MAGI2: variants seen among roughly 807,000 people sequenced by gnomAD.
MAGI2 encodes membrane-associated guanylate kinase, WW and PDZ domain-containing protein 2.
MAGI2 carries 35 observed loss-of-function variants against 133.3 expected under a neutral mutation model. That is an observed-to-expected ratio of 0.26 (90% CI 0.20 to 0.35). MAGI2 has a LOEUF of 0.35. MAGI2 is among the 10% of genes least tolerant of loss of function. MAGI2 has a pLI of 1.00. For synonymous variants in MAGI2, 729 were observed against 710.6 expected (o/e 1.03, Z -0.41); for missense variants, 1,636 against 1,863.4 (o/e 0.88, Z 2.25).
At chr7:78,315,931 C>G (rs1787369479) in intron 9 of MAGI2, among the ~76,000 whole-genome samples, 1 of 152,164 alleles carries the variant, frequency 6.6e-6, no homozygotes, top group Non-Finnish European at 1.5e-5. Flanking sequence ...CCTATACTTT[C>G]TCTGGCTTAC....
At chr7:78,328,532 C>CCCCCCCT (rs1554346587) in intron 9 of MAGI2, among the ~76,000 whole-genome samples, 1 of 133,706 alleles carries the variant, frequency 7.5e-6, no homozygotes, top group Admixed American at 7.6e-5. Flanking sequence ...CACACACACC[C>CCCCCCCT]CTCTCTCTCT....
At chr7:78,670,080 G>A (rs1369105011) in intron 2 of MAGI2, among the ~76,000 whole-genome samples, 1 of 151,492 alleles carries the variant, frequency 6.6e-6, no homozygotes, top group East Asian at 1.9e-4. Flanking sequence ...AGGGCAATTA[G>A]GCAGGAGAAG....
chr7:79,140,273 G>T (rs1821994500), intron 1 of MAGI2, among the ~76,000 whole-genome samples: 1 of 151,992 alleles, frequency 6.6e-6, no homozygotes, highest in African/African-American at 2.4e-5. Flanking sequence ...TTTATTTCTT[G>T]TTTTCTCATT....
At chr7:79,370,113 TAA>T (rs1842961943) in intron 1 of MAGI2, among the ~76,000 whole-genome samples, 2 of 152,180 alleles carry the variant, frequency 1.3e-5, no homozygotes, top group Admixed American at 6.5e-5. Flanking sequence ...CATCTAGTTC[TAA>T]GTTAGATATT....
chr7:79,067,713 C>A (rs1356523327), intron 1 of MAGI2, among the ~76,000 whole-genome samples: 1 of 152,160 alleles, frequency 6.6e-6, no homozygotes, highest in African/African-American at 2.4e-5. Flanking sequence ...CCAGCTTTTG[C>A]CCATTCAGTA....
intron 3 of MAGI2, among the ~76,000 whole-genome samples, chr7:78,600,062 GTCT>G (rs528206239): frequency 1.3e-4 from 20 of 152,006 alleles, no homozygotes; most frequent in African/African-American, 4.6e-4. Context: ...TTTGTTCTTG[GTCT>G]TTTTTTCTTA....
At chr7:79,115,402 T>G (rs1314693535) in intron 1 of MAGI2, among the ~76,000 whole-genome samples, 1 of 152,218 alleles carries the variant, frequency 6.6e-6, no homozygotes, top group East Asian at 1.9e-4. Context: ...AAATAGAAGG[T>G]GCTCTGTTCT....
intron 20 of MAGI2, among the ~76,000 whole-genome samples, chr7:78,083,414 G>C (rs1816254990): frequency 3.4e-5 from 5 of 147,706 alleles, no homozygotes; most frequent in East Asian, 2.0e-4. Flanking sequence ...GAGAGAGAGA[G>C]AGAGAGAGAG....
At chr7:79,188,884 T>C (rs1220383660) in intron 1 of MAGI2, among the ~76,000 whole-genome samples, 2 of 151,902 alleles carry the variant, frequency 1.3e-5, no homozygotes, top group African/African-American at 4.8e-5. Context: ...GCGTGTATAT[T>C]ATTTAAAACA....
chr7:79,292,739 C>T (rs928792783), intron 1 of MAGI2, among the ~76,000 whole-genome samples: 1 of 115,278 alleles, frequency 8.7e-6, no homozygotes, highest in Non-Finnish European at 1.6e-5. Flanking sequence ...TCTTTCTTCA[C>T]ATCAATTTTG....
intron 6 of MAGI2, among the ~76,000 whole-genome samples, chr7:78,440,112 A>G (rs7802125): frequency 0.9 from 136,398 of 151,952 alleles, 62,287 homozygotes; most frequent in East Asian, 0.98. Context: ...GTTACATTTA[A>G]ATGTAATGAC....
intron 1 of MAGI2, among the ~76,000 whole-genome samples, chr7:79,036,634 T>C (rs978050787): frequency 6.6e-6 from 1 of 151,148 alleles, no homozygotes; most frequent in African/African-American, 2.4e-5. Flanking sequence ...TGTGGGAGAT[T>C]TGAAACACAT....
intron 2 of MAGI2, among the ~76,000 whole-genome samples, chr7:78,967,542 TC>T (rs1168073254): frequency 6.6e-6 from 1 of 152,066 alleles, no homozygotes; most frequent in Non-Finnish European, 1.5e-5. Flanking sequence ...GAAAGTTTTT[TC>T]CTTATGTTTT....
At position 78,195,017 on chromosome 7, in the gene MAGI2, G is replaced by C; in HGVS notation, c.2126C>G (p.Ser709Cys). 1 of 1,613,402 alleles carries C rather than the reference G, an allele frequency of 6.2e-7. No homozygotes were observed. Among genetic ancestry groups the C allele is most frequent in the Non-Finnish European group, 8.5e-7 (1 of 1,179,674 alleles). The change falls in exon 12 of 22, where the codon TCT (serine) becomes TGT (cysteine). Residue 709 changes from serine (S) to cysteine (C), a missense_variant. By Grantham distance (112) the Ser-to-Cys change is moderately radical. Coordinates refer to ENST00000354212, the MANE Select transcript of MAGI2 (RefSeq NM_012301.4). ...ENQGSPQTSL[S>C]APAIPQNLPF... ...CAGGTTCTGCGGTATGGCCGGAGCA[G>C]ATAAACTCGTTTGAGGACTGCCTTG...
intron 21 of MAGI2, among the ~76,000 whole-genome samples, chr7:78,062,993 C>T (rs1248854295): frequency 6.6e-6 from 1 of 152,214 alleles, no homozygotes; most frequent in Non-Finnish European, 1.5e-5. Context: ...ACTGAAATAT[C>T]CCCAATATCC....
intron 10 of MAGI2, among the ~76,000 whole-genome samples, chr7:78,235,548 G>A (rs1429773745): frequency 4.6e-5 from 7 of 152,026 alleles, no homozygotes; most frequent in Non-Finnish European, 7.4e-5. Flanking sequence ...TTTTATGAGG[G>A]ACTTTTCCCC....
At chr7:78,784,186 C>T (rs942065878) in intron 2 of MAGI2, among the ~76,000 whole-genome samples, 7 of 147,740 alleles carry the variant, frequency 4.7e-5, no homozygotes, top group Middle Eastern at 3.2e-3. Context: ...AAGTGTAAAC[C>T]ATGTCAAATG....
chr7:79,117,882 C>G (rs1819546137), intron 1 of MAGI2, among the ~76,000 whole-genome samples: 2 of 152,160 alleles, frequency 1.3e-5, no homozygotes, highest in South Asian at 4.1e-4. Context: ...TGATAAATTT[C>G]TAAACATGAG....
At chr7:78,544,062 G>A (rs959503056) in intron 3 of MAGI2, among the ~76,000 whole-genome samples, 2 of 152,192 alleles carry the variant, frequency 1.3e-5, no homozygotes, top group Non-Finnish European at 1.5e-5. Flanking sequence ...GCTGGAGGTA[G>A]TGTGCTGAAA....
Sources: gnomAD v4.1 joint callset for allele counts (sites outside exome capture counted in the v4.1 genomes callset) on GRCh38, gnomAD v4.1.1 for gene constraint, MANE v1.5 for transcripts, NCBI Gene and HGNC (gene_info 2026-07-23, HGNC 2026-07-21) for gene names.